Variants in FHIT observed in about 807,000 individuals in gnomAD.
The protein encoded by FHIT is fragile histidine triad diadenosine triphosphatase.
In FHIT, 19 loss-of-function variants were observed where a neutral mutation model predicts 17.9. The observed-to-expected ratio is 1.06, with a 90% confidence interval of 0.74 to 1.56. The LOEUF (loss-of-function observed/expected upper bound fraction) is 1.56, where lower values mean the gene tolerates loss of function less well. Ranked by LOEUF, FHIT falls within the 40% of genes most tolerant of loss-of-function variation. The pLI is 0.00. For missense variants in FHIT, 248 were observed against 189.2 expected (o/e 1.31, Z -1.82); for synonymous variants, 81 against 69.7 (o/e 1.16, Z -0.81).
intron 2 of FHIT, among the ~76,000 whole-genome samples, chr3:61,051,277 T>TTGTC (rs2034016229): frequency 6.6e-6 from 1 of 151,988 alleles, no homozygotes; most frequent in Non-Finnish European, 1.5e-5. Flanking sequence ...GTTTGTTTGT[T>TTGTC]TGTTTGTTTT....
At chr3:60,438,978 C>T (rs189151240) in intron 5 of FHIT, among the ~76,000 whole-genome samples, 10 of 152,130 alleles carry the variant, frequency 6.6e-5, no homozygotes, top group East Asian at 3.9e-4. Flanking sequence ...ATGAAATATG[C>T]GGAAGAAAAT....
chr3:60,214,418 G>C (rs1703602277), intron 5 of FHIT, among the ~76,000 whole-genome samples: 1 of 152,084 alleles, frequency 6.6e-6, no homozygotes. Flanking sequence ...TTCTATGCTT[G>C]AGTTCTTAGA....
chr3:60,916,012 A>G (rs1004332462), intron 3 of FHIT, among the ~76,000 whole-genome samples: 9 of 152,134 alleles, frequency 5.9e-5, no homozygotes, highest in African/African-American at 2.2e-4. Context: ...AATTTCCATG[A>G]CTACAAATAA....
intron 2 of FHIT, among the ~76,000 whole-genome samples, chr3:61,179,722 A>C (rs2038276452): frequency 6.7e-6 from 1 of 150,242 alleles, no homozygotes; most frequent in Admixed American, 6.6e-5. Flanking sequence ...AAAAAAAAAA[A>C]AAAAAAAAAA....
intron 5 of FHIT, among the ~76,000 whole-genome samples, chr3:60,241,230 C>T (rs775026478): frequency 1.7e-4 from 26 of 151,964 alleles, no homozygotes; most frequent in Non-Finnish European, 2.8e-4. Context: ...AAGACAGTAC[C>T]AAGGGAATTA....
intron 3 of FHIT, among the ~76,000 whole-genome samples, chr3:60,977,691 G>C (rs943473906): frequency 1.3e-5 from 2 of 152,044 alleles, no homozygotes; most frequent in Non-Finnish European, 2.9e-5. Context: ...GACCAACATA[G>C]AGAAACCCCA....
intron 2 of FHIT, among the ~76,000 whole-genome samples, chr3:61,076,159 T>G (rs2034964205): frequency 6.6e-6 from 1 of 152,172 alleles, no homozygotes; most frequent in South Asian, 2.1e-4. Context: ...GGCCAACAGA[T>G]AATCTGCGAT....
At chr3:60,005,689 C>T (rs1235821978) in intron 7 of FHIT, among the ~76,000 whole-genome samples, 2 of 152,172 alleles carry the variant, frequency 1.3e-5, no homozygotes, top group African/African-American at 4.8e-5. Flanking sequence ...ACCAATTCTT[C>T]ATGCAGGAAA....
At chr3:59,883,644 G>A (rs620113) in intron 8 of FHIT, among the ~76,000 whole-genome samples, 144,315 of 152,298 alleles carry the variant, frequency 0.95, 68,468 homozygotes, top group East Asian at 0.99. Context: ...CCATATCAAC[G>A]TCTATTGTAT....
chr3:59,879,464 T>C (rs916878828), intron 8 of FHIT, among the ~76,000 whole-genome samples: 4 of 152,168 alleles, frequency 2.6e-5, no homozygotes, highest in Non-Finnish European at 4.4e-5. Flanking sequence ...CTAACAGCAC[T>C]ATCTGCAAGA....
chr3:61,102,631 A>G (rs2035867789), intron 2 of FHIT, among the ~76,000 whole-genome samples: 3 of 152,190 alleles, frequency 2.0e-5, no homozygotes, highest in Admixed American at 2.0e-4. Flanking sequence ...AAGGAATGGT[A>G]CCAGCTCCTC....
chr3:60,566,122 G>C (rs1351831847), intron 4 of FHIT, among the ~76,000 whole-genome samples: 2 of 152,074 alleles, frequency 1.3e-5, no homozygotes, highest in African/African-American at 2.4e-5. Flanking sequence ...TGTGGTCTGA[G>C]AGTTTGTTTT....
intron 7 of FHIT, among the ~76,000 whole-genome samples, chr3:60,002,106 C>T (rs1699751704): frequency 6.6e-6 from 1 of 152,072 alleles, no homozygotes; most frequent in African/African-American, 2.4e-5. Flanking sequence ...TCTCAACCAC[C>T]CTAGGCAGGG....
intron 2 of FHIT, among the ~76,000 whole-genome samples, chr3:61,153,051 G>A (rs764406397): frequency 4.6e-5 from 7 of 151,578 alleles, no homozygotes; most frequent in African/African-American, 1.5e-4. Context: ...GCTGAGGCAG[G>A]TGAATTGCTT....
At chr3:59,975,049 G>A (rs750705935) in intron 7 of FHIT, among the ~76,000 whole-genome samples, 4 of 151,748 alleles carry the variant, frequency 2.6e-5, no homozygotes, top group Non-Finnish European at 4.4e-5. Context: ...TTTTTTGTGG[G>A]CCCTCATTCC....
intron 5 of FHIT, among the ~76,000 whole-genome samples, chr3:60,230,503 T>C (rs936954224): frequency 6.6e-6 from 1 of 152,136 alleles, no homozygotes; most frequent in African/African-American, 2.4e-5. Context: ...CGAGACTCCT[T>C]ATTTTTAAAA....
At chr3:59,793,829 G>T (rs1699668194) in intron 8 of FHIT, among the ~76,000 whole-genome samples, 1 of 152,162 alleles carries the variant, frequency 6.6e-6, no homozygotes. Flanking sequence ...GAGGGAAAAA[G>T]ATCTGGCACT....
intron 5 of FHIT, among the ~76,000 whole-genome samples, chr3:60,109,454 G>C (rs993107297): frequency 2.6e-5 from 4 of 152,048 alleles, no homozygotes; most frequent in Non-Finnish European, 5.9e-5. Context: ...TTCCATGTCT[G>C]GCTTATTCCT....
chr3:59,809,251 C>T (rs11720016), intron 8 of FHIT, among the ~76,000 whole-genome samples: 90,364 of 151,970 alleles, frequency 0.59, 30,362 homozygotes, highest in Middle Eastern at 0.79. Flanking sequence ...CCCTAAATTC[C>T]GTGACTGGTG....
Sources: gnomAD v4.1 joint callset for allele counts (sites outside exome capture counted in the v4.1 genomes callset) on GRCh38, gnomAD v4.1.1 for gene constraint, MANE v1.5 for transcripts, NCBI Gene and HGNC (gene_info 2026-07-23, HGNC 2026-07-21) for gene names.